ARHGEF18: variants seen among roughly 807,000 people sequenced by gnomAD.
The protein encoded by ARHGEF18 is Rho/Rac guanine nucleotide exchange factor 18.
Under a neutral mutation model 155.7 loss-of-function variants are expected in ARHGEF18, and 93 were observed. The observed-to-expected ratio is 0.60, with a 90% CI of 0.50 to 0.71. The LOEUF (loss-of-function observed/expected upper bound fraction) is 0.71, where lower values mean the gene tolerates loss of function less well. ARHGEF18 is among the 30% of genes least tolerant of loss of function. The pLI, the probability that ARHGEF18 is intolerant of heterozygous loss-of-function variation, is 0.00. For missense variants in ARHGEF18, 1,593 were observed against 1,816.1 expected (o/e 0.88, Z 2.23); for synonymous variants, 742 against 753.1 (o/e 0.99, Z 0.24).
At chr19:7,477,976 G>A in the ARHGEF18 span, among the ~76,000 whole-genome samples, 2 of 152,202 alleles carry the variant, frequency 1.3e-5, no homozygotes, top group African/African-American at 2.4e-5. Context: ...GAGCCAAGAT[G>A]GCACCACTGT....
In ARHGEF18 at chr19:7,462,231, G is replaced by C. The variant is rs777487073; in HGVS notation, c.2532G>C (p.Met844Ile). 5.6e-6 allele frequency: 9 copies of C among 1,613,942 alleles called. No individual in the cohort carries two copies. Among genetic ancestry groups the C allele is most frequent in the Non-Finnish European group, 4.2e-6 (5 of 1,180,026 alleles). The change falls in exon 21 of 29, where the codon ATG becomes ATC. Residue 844 changes from methionine to isoleucine, a missense_variant. Physicochemically the swap from Met to Ile is conservative, Grantham distance 10 (BLOSUM62 1). Transcript: ENST00000668164. The surrounding 1 kb of genome is among the most constrained non-coding windows in gnomAD (Gnocchi z 4.4). Reference sequence around the variant, plus strand: ...AGATCTACCTGGAGATGGCCGAGATGGGCGGCCTCGAAGACCTGCCCCAGC... The same window carrying C: ...AGATCTACCTGGAGATGGCCGAGATCGGCGGCCTCGAAGACCTGCCCCAGC... The part of the protein sequence containing the change: ...KQQIYLEMAE[M>I]GGLEDLPQPR...
rs114543302 is a variant in ARHGEF18, at chr19:7,471,191, C to T, written c.*893C>T. 1,982 of 197,794 alleles carry T rather than the reference C, an allele frequency of 0.01. 51 individuals are homozygous for T. Among genetic ancestry groups the T allele is most frequent in the African/African-American group, 0.043 (1,843 of 43,256 alleles). 12.3% of individuals were successfully genotyped at this position (197,794 alleles called of 1,614,324 possible). On this transcript the variant is annotated 3_prime_UTR_variant, in exon 29 of 29. Transcript: ENST00000668164. The surrounding 1 kb of genome is among the most constrained non-coding windows in gnomAD (Gnocchi z 4.4). ...TGAGCTCCCAGGGCTGGCGTCCCACCTTCCAGGTGGGGGCTGGCACATCAC... is the reference window on the plus strand; with the variant it reads ...TGAGCTCCCAGGGCTGGCGTCCCACTTTCCAGGTGGGGGCTGGCACATCAC...
At chr19:7,473,657 G>A (rs896537327), downstream of ARHGEF18, among the ~76,000 whole-genome samples, 2 of 151,906 alleles carry the variant, frequency 1.3e-5, no homozygotes, top group African/African-American at 2.4e-5. Flanking sequence ...TAAAAATACA[G>A]AAATTAGCCG....
intron 18 of ARHGEF18, among the ~76,000 whole-genome samples, chr19:7,458,177 C>G (rs1005267119): frequency 6.6e-6 from 1 of 151,360 alleles, no homozygotes; most frequent in African/African-American, 2.4e-5. Context: ...ATCCCAGCTA[C>G]TCAGGAGGCT....
chr19:7,456,649 G>A (rs1345046075), intron 18 of ARHGEF18, among the ~76,000 whole-genome samples: 2 of 152,206 alleles, frequency 1.3e-5, no homozygotes, highest in African/African-American at 4.8e-5. Flanking sequence ...CCCAGGAGGT[G>A]AAGGTTGCAG....
intron 20 of ARHGEF18, among the ~76,000 whole-genome samples, chr19:7,461,167 C>T (rs917384813): frequency 6.6e-6 from 1 of 151,940 alleles, no homozygotes; most frequent in Non-Finnish European, 1.5e-5. Context: ...AATCCCTGCA[C>T]TTTGGGAGGC....
At chr19:7,372,486 AAG>A (rs956260861) in intron 2 of ARHGEF18, among the ~76,000 whole-genome samples, 3 of 152,074 alleles carry the variant, frequency 2.0e-5, no homozygotes, top group African/African-American at 7.2e-5. Context: ...GAAAAAAAAA[AAG>A]AGAGAGAGAT....
chr19:7,451,924 G>A (rs576847541), intron 16 of ARHGEF18, among the ~76,000 whole-genome samples: 15 of 151,814 alleles, frequency 9.9e-5, no homozygotes, highest in Non-Finnish European at 2.1e-4. Context: ...GATTCACCAT[G>A]TTGATCAGGC....
At chr19:7,424,662 A>G (rs866590497) in intron 10 of ARHGEF18, among the ~76,000 whole-genome samples, 2 of 152,156 alleles carry the variant, frequency 1.3e-5, no homozygotes, top group Non-Finnish European at 2.9e-5. Flanking sequence ...TTTTAATTTA[A>G]TTTTAAATTT....
chr19:7,379,270 G>T, intron 7 of ARHGEF18, 104 bp downstream of exon 7: 1 of 1,077,604 alleles, frequency 9.3e-7, no homozygotes, highest in Non-Finnish European at 1.2e-6. Flanking sequence ...AGAGAAGACT[G>T]GGTGAGGGCT....
At position 7,444,216 on chromosome 19, in the gene ARHGEF18, CAG is replaced by C; in HGVS notation, c.1376_1377del (p.Glu459GlyfsTer37). ...TGTGTCCCTGCAGAGCTGATGCAGACAGAGGTGCACCACGTGCGGACGCTCAA... is the reference window on the plus strand; with the variant it reads ...TGTGTCCCTGCAGAGCTGATGCAGACAGGTGCACCACGTGCGGACGCTCAA... On this transcript the variant is annotated frameshift_variant, in exon 14 of 29. Coordinates refer to ENST00000668164, the MANE Select transcript of ARHGEF18 (RefSeq NM_001367823.1). LOFTEE classifies it high-confidence loss of function. This position sits in a 1 kb window ranked among gnomAD's most constrained non-coding sequence, Gnocchi z 4.7. 6.2e-7 allele frequency: 1 copy of C among 1,613,270 alleles called. No individual in the cohort carries two copies. Among genetic ancestry groups the C allele is most frequent in the East Asian group, 2.2e-5 (1 of 44,884 alleles).
intron 10 of ARHGEF18, among the ~76,000 whole-genome samples, chr19:7,421,921 CCCTT>C (rs1192568440): frequency 6.6e-6 from 1 of 152,122 alleles, no homozygotes; most frequent in Non-Finnish European, 1.5e-5. Context: ...GTCCCCTTCT[CCCTT>C]CCTTCTTCCA....
intron 3 of ARHGEF18, among the ~76,000 whole-genome samples, chr19:7,374,269 T>C (rs570044474): frequency 6.6e-6 from 1 of 152,260 alleles, no homozygotes; most frequent in Non-Finnish European, 1.5e-5. Flanking sequence ...TCTAGGGCCA[T>C]GAGGGGCGTC....
rs535541612 is a variant in ARHGEF18 at position 7,355,736 on chromosome 19, C to T, written c.-111+6495C>T. The T allele has an allele frequency of 3.4e-4, 333 of 984,422 alleles. No individual in the cohort carries two copies. In the African/African-American group the frequency reaches 4.0e-3, roughly 12 times the overall value. 61.0% of individuals were successfully genotyped at this position (984,422 alleles called of 1,614,324 possible). A position where few individuals can be genotyped will look rare whatever the true frequency, so the allele number is the denominator to read the frequency against. On this transcript the variant is annotated intron_variant, in intron 1 of 28. Transcript: ENST00000668164. Reference sequence around the variant, plus strand: ...GCTGGCAGTGACCAGCGGGAGCCATCCACCCAGGTGGGGATCCCAGGACAG... The same window carrying T: ...GCTGGCAGTGACCAGCGGGAGCCATTCACCCAGGTGGGGATCCCAGGACAG...
intron 13 of ARHGEF18, among the ~76,000 whole-genome samples, chr19:7,443,598 C>T (rs1974806291): frequency 6.6e-6 from 1 of 152,190 alleles, no homozygotes; most frequent in African/African-American, 2.4e-5. Flanking sequence ...ATACTATCAC[C>T]TTTGGGGTTC....
chr19:7,479,329 C>CA, the ARHGEF18 span, among the ~76,000 whole-genome samples: 1 of 152,086 alleles, frequency 6.6e-6, no homozygotes, highest in African/African-American at 2.4e-5. Context: ...ACTAAAAATA[C>CA]AAAAATTAGC....
intron 10 of ARHGEF18, among the ~76,000 whole-genome samples, chr19:7,400,297 A>C (rs1026764961): frequency 6.6e-6 from 1 of 152,154 alleles, no homozygotes; most frequent in Non-Finnish European, 1.5e-5. Context: ...AGCAACAGTC[A>C]TCAGTATTTA....
rs1291227055 is a variant in ARHGEF18, at chr19:7,380,911, C to T, written c.645-6C>T. ...ACCCAGGTATCTGTCCCCTCTGATC[C>T]TGCAGGGCCCGGCAGAGGGCTTGCA... is the stretch of plus-strand genomic sequence containing the variant. On this transcript the variant is annotated splice_region_variant and splice_polypyrimidine_tract_variant and intron_variant, in intron 7 of 28. Coordinates refer to ENST00000668164, the MANE Select transcript of ARHGEF18 (RefSeq NM_001367823.1). The T allele has an allele frequency of 8.1e-6, 10 of 1,231,952 alleles. No individual in the cohort carries two copies. The highest frequency in any genetic ancestry group is 4.7e-5 in the African/African-American group (3 of 64,374). The allele number at this position is 1,231,952 out of a possible 1,614,324, so 76.3% of individuals were successfully genotyped here. A position where few individuals can be genotyped will look rare whatever the true frequency, so the allele number is the denominator to read the frequency against.
At position 7,395,106 on chromosome 19, in the gene ARHGEF18, T is replaced by G. The variant is rs1000909805; in HGVS notation, c.967+11903T>G. 2.2e-4 allele frequency: 215 copies of G among 985,400 alleles called. No homozygotes were observed. Among genetic ancestry groups the G allele is most frequent in the Non-Finnish European group, 2.5e-4 (211 of 829,992 alleles). The allele number at this position is 985,400 out of a possible 1,614,324, so 61.0% of individuals were successfully genotyped here. ...CTCCGAGGCGGGATCGCGCATGCGC[T>G]GCTCTCCTCGCGCGGCTTCCCGCTT... is the stretch of plus-strand genomic sequence containing the variant. On this transcript the variant is annotated intron_variant, in intron 10 of 28. Coordinates refer to ENST00000668164, the MANE Select transcript of ARHGEF18 (RefSeq NM_001367823.1). The surrounding 1 kb of genome is among the most constrained non-coding windows in gnomAD (Gnocchi z 5.0).
Sources: gnomAD v4.1 joint callset for allele counts (sites outside exome capture counted in the v4.1 genomes callset) on GRCh38, gnomAD v4.1.1 for gene constraint, Gnocchi (gnomAD v3.1) non-coding constraint, MANE v1.5 for transcripts, NCBI Gene and HGNC (gene_info 2026-07-23, HGNC 2026-07-21) for gene names.